Variants in NLGN1 observed in about 807,000 individuals in gnomAD.
NLGN1 encodes neuroligin-1.
A neutral mutation model predicts 65.5 loss-of-function variants in NLGN1; 12 were observed. That is an observed-to-expected ratio of 0.18 (90% CI 0.12 to 0.30). NLGN1 has a LOEUF of 0.30. Among genes scored for constraint, NLGN1 ranks in the 10% least tolerant of loss-of-function variants. The pLI is 1.00. For missense variants in NLGN1, 750 were observed against 1,007.1 expected (o/e 0.74, Z 3.46); for synonymous variants, 350 against 359.5 (o/e 0.97, Z 0.30).
At chr3:173,541,715 T>C (rs1738893962) in intron 2 of NLGN1, among the ~76,000 whole-genome samples, 1 of 152,164 alleles carries the variant, frequency 6.6e-6, no homozygotes, top group African/African-American at 2.4e-5. Flanking sequence ...TACATAGAAA[T>C]TATTTTTGTA....
At chr3:174,249,496 T>C (rs16858417) in intron 4 of NLGN1, among the ~76,000 whole-genome samples, 18,758 of 152,260 alleles carry the variant, frequency 0.12, 2,010 homozygotes, top group African/African-American at 0.28. Context: ...CATTGCATGA[T>C]AAGTGAATAT....
chr3:174,034,471 AT>A (rs1329303785), intron 4 of NLGN1, among the ~76,000 whole-genome samples: 1 of 152,094 alleles, frequency 6.6e-6, no homozygotes, highest in East Asian at 1.9e-4. Context: ...CTATTAAAAA[AT>A]AATAGTAATA....
chr3:173,432,380 C>T lies in NLGN1; in HGVS notation c.-389-2630C>T, dbSNP rs370293178. Among the ~76,000 whole-genome samples, 286 of 152,284 alleles carry T rather than the reference C, an allele frequency of 1.9e-3. 1 individual carries two copies. Among genetic ancestry groups the T allele is most frequent in the African/African-American group, 6.3e-3 (260 of 41,574 alleles). On this transcript the variant is annotated intron_variant, in intron 1 of 6. Coordinates refer to ENST00000457714, the Ensembl canonical transcript of NLGN1. ...GAGTTCCTTTTGTTCCACCTCCTTG[C>T]CAGCATTTAGTGTTGTCAGCATTCT...
At chr3:173,835,015 A>G (rs1466700931) in intron 4 of NLGN1, among the ~76,000 whole-genome samples, 1 of 152,214 alleles carries the variant, frequency 6.6e-6, no homozygotes, top group Non-Finnish European at 1.5e-5. Flanking sequence ...AATTCTGGCA[A>G]TGAATTCTTA....
intron 4 of NLGN1, among the ~76,000 whole-genome samples, chr3:174,246,063 A>G (rs866700966): frequency 6.6e-6 from 1 of 152,208 alleles, no homozygotes; most frequent in African/African-American, 2.4e-5. Context: ...ATAATTTAGC[A>G]TAAGTTCATT....
At chr3:173,973,767 A>G (rs1051197115) in intron 4 of NLGN1, among the ~76,000 whole-genome samples, 22 of 152,206 alleles carry the variant, frequency 1.4e-4, no homozygotes, top group African/African-American at 4.8e-4. Context: ...TCCAAGACCC[A>G]AATAATTTGA....
At chr3:174,065,651 T>G (rs1483471357) in intron 4 of NLGN1, among the ~76,000 whole-genome samples, 1 of 152,148 alleles carries the variant, frequency 6.6e-6, no homozygotes, top group African/African-American at 2.4e-5. Context: ...AAGTTCCTAC[T>G]TACTTGCTTC....
intron 3 of NLGN1, among the ~76,000 whole-genome samples, chr3:173,744,994 T>A (rs921660026): frequency 1.3e-4 from 20 of 152,078 alleles, no homozygotes; most frequent in Non-Finnish European, 7.4e-5. Flanking sequence ...TCCTTGCACT[T>A]AACTGAAACT....
chr3:173,431,361 C>A lies in NLGN1; in HGVS notation c.-389-3649C>A, dbSNP rs764482059. ...CTTTAGGAATAAGAGTAGTTTGGGG[C>A]AAATATGGAGCAAACAATTTCTTTT... On this transcript the variant is annotated intron_variant, in intron 1 of 6. Transcript: ENST00000457714. Among the ~76,000 whole-genome samples the A allele has an allele frequency of 2.0e-5, 3 of 151,984 alleles. No individual in the cohort carries two copies. The East Asian group carries it at 5.8e-4, about 29-fold the overall frequency.
chr3:173,440,526 G>T (rs1345239762), intron 2 of NLGN1, among the ~76,000 whole-genome samples: 1 of 152,060 alleles, frequency 6.6e-6, no homozygotes, highest in Non-Finnish European at 1.5e-5. Flanking sequence ...AATCTATGGG[G>T]TACAGAATGA....
At position 173,650,257 on chromosome 3, in the gene NLGN1, C is replaced by A. The variant is rs1369927705; in HGVS notation, c.493+45166C>A. Among the ~76,000 whole-genome samples, 3 of 152,106 alleles carry A rather than the reference C, an allele frequency of 2.0e-5. No individual in the cohort carries two copies. The East Asian group carries it at 5.8e-4, about 29-fold the overall frequency. On this transcript the variant is annotated intron_variant, in intron 3 of 6. Transcript: ENST00000457714. ...ACTCAAATTAGCTTCCTATGGATGG[C>A]ATCCTATGACAGTTTTCACTATTTT...
intron 2 of NLGN1, among the ~76,000 whole-genome samples, chr3:173,575,392 A>C (rs577447936): frequency 6.6e-6 from 1 of 152,216 alleles, no homozygotes; most frequent in African/African-American, 2.4e-5. Flanking sequence ...TATTAGTTCC[A>C]AGAACACTTC....
rs563512264 is a variant in NLGN1 at position 174,195,263 on chromosome 3, T to C, written c.647-80052T>C. On this transcript the variant is annotated intron_variant, in intron 4 of 6. Transcript: ENST00000457714. ...ATCATATATAGTAATTGTTGAAGAGTTATGTTCAAAATAGAATATACAAGC... is the reference window on the plus strand; with the variant it reads ...ATCATATATAGTAATTGTTGAAGAGCTATGTTCAAAATAGAATATACAAGC... Among the ~76,000 whole-genome samples the C allele has an allele frequency of 3.0e-3, 457 of 152,286 alleles. 2 individuals are homozygous for C. The highest frequency in any genetic ancestry group is 0.01 in the African/African-American group (436 of 41,566).
intron 4 of NLGN1, among the ~76,000 whole-genome samples, chr3:173,923,346 C>A (rs1283579363): frequency 6.6e-6 from 1 of 152,112 alleles, no homozygotes; most frequent in African/African-American, 2.4e-5. Flanking sequence ...ATCAGCATTT[C>A]TAAAGGAATT....
At chr3:174,129,755 GC>G (rs1719776643) in intron 4 of NLGN1, among the ~76,000 whole-genome samples, 1 of 152,136 alleles carries the variant, frequency 6.6e-6, no homozygotes, top group East Asian at 1.9e-4. Context: ...TTTAAAGTAT[GC>G]AAAGTTAAAG....
At chr3:174,255,453 A>AAAAAAAAAAAAAAAAAAAAAAAC (rs1745534786) in intron 4 of NLGN1, among the ~76,000 whole-genome samples, 1 of 150,702 alleles carries the variant, frequency 6.6e-6, no homozygotes. Context: ...AAAAAAAAAA[A>AAAAAAAAAAAAAAAAAAAAAAAC]AAAGCGCAAG....
chr3:173,626,955 A>C (rs1754915273), intron 3 of NLGN1, among the ~76,000 whole-genome samples: 1 of 152,034 alleles, frequency 6.6e-6, no homozygotes, highest in Non-Finnish European at 1.5e-5. Context: ...ATTTTCCTTA[A>C]AAAAGGAAGT....
At chr3:173,681,325 T>C (rs1233985990) in intron 3 of NLGN1, among the ~76,000 whole-genome samples, 1 of 152,222 alleles carries the variant, frequency 6.6e-6, no homozygotes, top group African/African-American at 2.4e-5. Context: ...GATGTTTTGA[T>C]GGATAATAAT....
At chr3:174,150,286 A>T (rs1212143158) in intron 4 of NLGN1, among the ~76,000 whole-genome samples, 1 of 152,112 alleles carries the variant, frequency 6.6e-6, no homozygotes, top group Non-Finnish European at 1.5e-5. Flanking sequence ...TTCTGTATCA[A>T]AGTTAATGTA....
Sources: allele counts gnomAD v4.1 joint callset (sites outside exome capture counted in the v4.1 genomes callset), GRCh38; gene constraint gnomAD v4.1.1; transcripts MANE v1.5; gene names NCBI Gene and HGNC (gene_info 2026-07-23, HGNC 2026-07-21).